Variants in FNBP1 observed in about 807,000 individuals in gnomAD.
FNBP1 encodes formin binding protein 1, also known as formin-binding protein 1.
In FNBP1, 26 loss-of-function variants were observed where a neutral mutation model predicts 90.6. The ratio of observed to expected loss-of-function variants is 0.29; its 90% CI spans 0.21 to 0.40. The LOEUF (loss-of-function observed/expected upper bound fraction) is 0.40, where lower values mean the gene tolerates loss of function less well. Among genes scored for constraint, FNBP1 ranks in the 10% least tolerant of loss-of-function variants. The probability of loss-of-function intolerance (pLI) is 1.00; values close to 1 mark genes in which losing one functional copy is unlikely to be tolerated. For missense variants in FNBP1, 635 were observed against 768.0 expected (o/e 0.83, Z 2.05); for synonymous variants, 260 against 265.2 (o/e 0.98, Z 0.19).
rs79937485 is a variant in FNBP1 at position 129,932,678 on chromosome 9, G to A, written c.514-2983C>T. On this transcript the variant is annotated intron_variant, in intron 6 of 16. Coordinates refer to ENST00000446176, the MANE Select transcript of FNBP1 (RefSeq NM_015033.3). ...CTACCCTCAGTTGATTTCAGCTGCCGCATTCTTCCTCTTTGTTGGTGGCCT... is the reference window on the plus strand; with the variant it reads ...CTACCCTCAGTTGATTTCAGCTGCCACATTCTTCCTCTTTGTTGGTGGCCT... Among the ~76,000 whole-genome samples, 1,398 of 151,958 alleles carry A rather than the reference G, an allele frequency of 9.2e-3. 21 individuals are homozygous for A. The highest frequency in any genetic ancestry group is 0.032 in the African/African-American group (1,324 of 41,404).
At chr9:130,010,556 C>T (rs537727238) in intron 1 of FNBP1, among the ~76,000 whole-genome samples, 2 of 152,278 alleles carry the variant, frequency 1.3e-5, no homozygotes, top group African/African-American at 4.8e-5. Context: ...CTGCACCCGG[C>T]TCCCTCCTCT....
chr9:130,038,021 A>G (rs2059478326), intron 1 of FNBP1, among the ~76,000 whole-genome samples: 1 of 152,156 alleles, frequency 6.6e-6, no homozygotes, highest in South Asian at 2.1e-4. Flanking sequence ...AATGTATATT[A>G]TATGCCTGGC....
At chr9:129,945,723 C>CT (rs1274406543) in intron 6 of FNBP1, among the ~76,000 whole-genome samples, 3 of 152,200 alleles carry the variant, frequency 2.0e-5, no homozygotes, top group African/African-American at 4.8e-5. Context: ...AAAACCTAAA[C>CT]TACTAAATTT....
chr9:129,986,977 T>C (rs1215682315), intron 2 of FNBP1, among the ~76,000 whole-genome samples: 1 of 151,966 alleles, frequency 6.6e-6, no homozygotes, highest in Non-Finnish European at 1.5e-5. Flanking sequence ...AGAAAAACTA[T>C]CTGATAAAGG....
intron 1 of FNBP1, among the ~76,000 whole-genome samples, chr9:130,033,691 T>A (rs181420996): frequency 1.1e-4 from 16 of 150,244 alleles, no homozygotes; most frequent in African/African-American, 3.4e-4. Flanking sequence ...AAAACTTTTT[T>A]AAAAAAGTTA....
intron 16 of FNBP1, among the ~76,000 whole-genome samples, chr9:129,893,659 G>GT (rs1404450455): frequency 7.8e-6 from 1 of 128,662 alleles, no homozygotes; most frequent in African/African-American, 3.0e-5. Context: ...GCTCATGCCT[G>GT]TAATCCCAAC....
chr9:129,977,129 G>A (rs2050452682), intron 4 of FNBP1, among the ~76,000 whole-genome samples: 1 of 151,486 alleles, frequency 6.6e-6, no homozygotes, highest in African/African-American at 2.4e-5. Context: ...ACTTCACTCG[G>A]GCCTGGACCA....
chr9:129,913,372 C>T (rs971150626), intron 11 of FNBP1, among the ~76,000 whole-genome samples: 1 of 152,116 alleles, frequency 6.6e-6, no homozygotes, highest in African/African-American at 2.4e-5. Flanking sequence ...ACAACAAAGA[C>T]AGGCCATAAC....
intron 6 of FNBP1, among the ~76,000 whole-genome samples, chr9:129,937,756 T>C (rs2043701872): frequency 6.6e-6 from 1 of 152,082 alleles, no homozygotes; most frequent in South Asian, 2.1e-4. Context: ...TTTTAAAGTT[T>C]ATCAGAGTTT....
At chr9:129,905,274 T>TTGTGTG (rs71497500) in intron 12 of FNBP1, among the ~76,000 whole-genome samples, 1 of 123,470 alleles carries the variant, frequency 8.1e-6, no homozygotes, top group African/African-American at 3.0e-5. Flanking sequence ...ATCTGTTGAA[T>TTGTGTG]TGTGTGTGTG....
intron 4 of FNBP1, among the ~76,000 whole-genome samples, chr9:129,959,692 T>C (rs7032182): frequency 0.97 from 147,583 of 152,270 alleles, 71,705 homozygotes; most frequent in East Asian, 1. Context: ...TTAACTGCTT[T>C]GAGATATGAT....
Position 129,958,985 on chromosome 9 carries a change from C to CAAAAAAAAAAAAAAAAAAAAA in FNBP1, c.346-453_346-433dup. ...TGGATGACACAGTGAAACTCTGCCT[C>CAAAAAAAAAAAAAAAAAAAAA]AAAAAAAAAAAAAAAAAAAAAAGGA... is the stretch of plus-strand genomic sequence containing the variant. On this transcript the variant is annotated intron_variant, in intron 4 of 16. Transcript: ENST00000446176. Among the ~76,000 whole-genome samples, 44 of 9,142 alleles carry CAAAAAAAAAAAAAAAAAAAAA rather than the reference C, an allele frequency of 4.8e-3. 6 individuals are homozygous for CAAAAAAAAAAAAAAAAAAAAA. The highest frequency in any genetic ancestry group is 0.022 in the South Asian group (2 of 90). 6.0% of individuals were successfully genotyped at this position (9,142 alleles called of 152,430 possible).
intron 1 of FNBP1, among the ~76,000 whole-genome samples, chr9:130,001,710 C>T (rs929159981): frequency 7.1e-4 from 108 of 151,960 alleles, no homozygotes; most frequent in African/African-American, 2.6e-3. Flanking sequence ...GGTGAAACCC[C>T]ATCTCTACTA....
intron 2 of FNBP1, among the ~76,000 whole-genome samples, chr9:129,988,424 A>G (rs2052628517): frequency 1.3e-5 from 2 of 152,142 alleles, no homozygotes; most frequent in Non-Finnish European, 2.9e-5. Flanking sequence ...CATGCCTGTA[A>G]TCCCAGCACT....
rs946742535 is a variant in FNBP1, at chr9:130,042,346, G to A, written c.24+606C>T. Among the ~76,000 whole-genome samples, 1 of 152,106 alleles carries A rather than the reference G, an allele frequency of 6.6e-6. No homozygotes were observed. The highest frequency in any genetic ancestry group is 2.4e-5 in the African/African-American group (1 of 41,426). On this transcript the variant is annotated intron_variant, in intron 1 of 16. Transcript: ENST00000446176. The surrounding 1 kb of genome is among the most constrained non-coding windows in gnomAD (Gnocchi z 5.5). ...CGTCGCAGTGCCCACATCCCACTCA[G>A]GATTGAGCTACCCCGAAAGAACAAG...
Position 129,972,694 on chromosome 9 carries a change from G to A in FNBP1, c.345+5771C>T, listed in dbSNP as rs115581390. Among the ~76,000 whole-genome samples the A allele has an allele frequency of 7.3e-3, 1,111 of 152,168 alleles. 14 individuals carry two copies. Among genetic ancestry groups the A allele is most frequent in the African/African-American group, 0.025 (1,053 of 41,536 alleles). On this transcript the variant is annotated intron_variant, in intron 4 of 16. Coordinates refer to ENST00000446176, the MANE Select transcript of FNBP1 (RefSeq NM_015033.3). ...TTACAGGCACGCGCCACTGTGCCTG[G>A]ATAGTTTTTGTATTTTTAGTAGAGA...
At chr9:129,974,477 G>A (rs1316388816) in intron 4 of FNBP1, among the ~76,000 whole-genome samples, 1 of 152,206 alleles carries the variant, frequency 6.6e-6, no homozygotes, top group Non-Finnish European at 1.5e-5. Flanking sequence ...AATATTATTG[G>A]AATCATTTTT....
At chr9:130,021,011 T>C (rs1408019685) in intron 1 of FNBP1, among the ~76,000 whole-genome samples, 1 of 152,156 alleles carries the variant, frequency 6.6e-6, no homozygotes, top group Non-Finnish European at 1.5e-5. Context: ...GCTGCTTGCT[T>C]GGTTGGTGAA....
intron 11 of FNBP1, among the ~76,000 whole-genome samples, chr9:129,909,257 AG>A (rs2038767705): frequency 6.6e-6 from 1 of 152,244 alleles, no homozygotes; most frequent in Non-Finnish European, 1.5e-5. Context: ...GCTACAGTAA[AG>A]GAGAGTAAGA....
Sources: allele counts gnomAD v4.1 joint callset (sites outside exome capture counted in the v4.1 genomes callset), GRCh38; gene constraint gnomAD v4.1.1; non-coding constraint Gnocchi (gnomAD v3.1); transcripts MANE v1.5; gene names NCBI Gene and HGNC (gene_info 2026-07-23, HGNC 2026-07-21).